The following ST7 variants were observed in gnomAD, a reference collection of about 807,000 sequenced individuals.
ST7 encodes the protein suppression of tumorigenicity 7, also known as suppressor of tumorigenicity 7 protein.
ST7 carries 28 observed loss-of-function variants against 78.7 expected under a neutral mutation model. That is an observed-to-expected ratio of 0.36 (90% CI 0.26 to 0.49). The LOEUF is 0.49. ST7 is among the 20% of genes least tolerant of loss of function. ST7 has a pLI of 0.99. For synonymous variants in ST7, 247 were observed against 249.6 expected (o/e 0.99, Z 0.10); for missense variants, 418 against 696.0 (o/e 0.60, Z 4.49).
intron 8 of ST7, 160 bp downstream of exon 8, chr7:117,136,395 G>A (rs924836862): frequency 3.4e-5 from 27 of 793,772 alleles, no homozygotes; most frequent in Admixed American, 1.1e-4. Context: ...TATAAGTGCA[G>A]TTAGTAAATA....
At chr7:116,978,019 C>T (rs942862847) in intron 1 of ST7, among the ~76,000 whole-genome samples, 7 of 152,192 alleles carry the variant, frequency 4.6e-5, no homozygotes, top group Non-Finnish European at 1.0e-4. Flanking sequence ...TCACTTCTCT[C>T]CTCAGTTCTC....
chr7:117,044,433 G>A (rs954714438), intron 1 of ST7, among the ~76,000 whole-genome samples: 2 of 152,128 alleles, frequency 1.3e-5, no homozygotes, highest in Non-Finnish European at 2.9e-5. Flanking sequence ...TGCAACCTCT[G>A]CCTCCTGGGT....
intron 8 of ST7, among the ~76,000 whole-genome samples, chr7:117,137,722 C>T (rs537836853): frequency 8.5e-5 from 13 of 152,070 alleles, no homozygotes; most frequent in Non-Finnish European, 1.3e-4. Context: ...TAATTTTTAT[C>T]GAGGATTAAG....
intron 1 of ST7, among the ~76,000 whole-genome samples, chr7:117,042,294 C>A (rs907811769): frequency 2.6e-5 from 4 of 152,138 alleles, no homozygotes; most frequent in African/African-American, 9.7e-5. Flanking sequence ...ACTGATGGAA[C>A]TACTAGGCTA....
At chr7:117,050,074 G>A (rs1239717399) in intron 1 of ST7, among the ~76,000 whole-genome samples, 3 of 151,502 alleles carry the variant, frequency 2.0e-5, no homozygotes, top group East Asian at 3.9e-4. Context: ...AAATAGCTGG[G>A]TGTGTTGGCA....
intron 1 of ST7, among the ~76,000 whole-genome samples, chr7:116,993,677 A>T (rs1562998735): frequency 6.6e-6 from 1 of 152,280 alleles, no homozygotes; most frequent in East Asian, 1.9e-4. Flanking sequence ...AATAATCTAA[A>T]GACTATTTCT....
chr7:116,982,173 C>T (rs1377153037), intron 1 of ST7, among the ~76,000 whole-genome samples: 1 of 152,154 alleles, frequency 6.6e-6, no homozygotes, highest in Non-Finnish European at 1.5e-5. Flanking sequence ...TATTCATTTA[C>T]TTCTGCTGCT....
chr7:116,972,301 C>T, intron 1 of ST7: 2 of 575,138 alleles, frequency 3.5e-6, no homozygotes, highest in South Asian at 1.7e-5. Flanking sequence ...CTCAGCAAAC[C>T]CATCACGGGC....
At chr7:117,044,991 C>T (rs1797422428) in intron 1 of ST7, among the ~76,000 whole-genome samples, 1 of 152,176 alleles carries the variant, frequency 6.6e-6, no homozygotes, top group African/African-American at 2.4e-5. Flanking sequence ...CTTCATCCTT[C>T]CAGTTATTGA....
rs1447842908 is a variant in ST7 at position 117,134,160 on chromosome 7, C to T, written c.678C>T (p.Ser226=). 1 of 1,612,008 alleles carries T rather than the reference C, an allele frequency of 6.2e-7. No individual in the cohort carries two copies. The highest frequency in any genetic ancestry group is 8.5e-7 in the Non-Finnish European group (1 of 1,178,772). ...GAGTTGAAGTTCCCCTAATTGCTTCCTCTACCATCTGGGAGATAAAATTGT... is the reference window on the plus strand; with the variant it reads ...GAGTTGAAGTTCCCCTAATTGCTTCTTCTACCATCTGGGAGATAAAATTGT... ...RSRVEVPLIA[S]STIWEIKLLP... Residue 226 remains serine, a synonymous_variant, in exon 7 of 16, where the codon TCC becomes TCT. Coordinates refer to ENST00000323984, the MANE Select transcript of ST7 (RefSeq NM_001369598.1).
At chr7:116,958,775 A>C in intron 1 of ST7, 1 of 438,180 alleles carries the variant, frequency 2.3e-6, no homozygotes, top group South Asian at 1.7e-5. Context: ...GTAGCATTAT[A>C]TCTAAAAGAC....
In ST7 at chr7:117,230,116, T is replaced by C; in HGVS notation, c.*259T>C. 1.6e-6 allele frequency: 1 copy of C among 611,086 alleles called. No individual in the cohort carries two copies. Among genetic ancestry groups the C allele is most frequent in the Non-Finnish European group, 3.0e-6 (1 of 330,438 alleles). The allele number at this position is 611,086 out of a possible 1,614,324, so 37.9% of individuals were successfully genotyped here. Reference sequence around the variant, plus strand: ...TGTATTACAGCAATCATTTGTATCCTCCTGTGTCTTCCAACCCTAAAATTG... The same window carrying C: ...TGTATTACAGCAATCATTTGTATCCCCCTGTGTCTTCCAACCCTAAAATTG... On this transcript the variant is annotated 3_prime_UTR_variant, in exon 16 of 16. Transcript: ENST00000323984.
chr7:117,224,703 C>A (rs1317161152), intron 15 of ST7, among the ~76,000 whole-genome samples: 1 of 152,120 alleles, frequency 6.6e-6, no homozygotes, highest in Non-Finnish European at 1.5e-5. Flanking sequence ...GCCGCACCAC[C>A]AGAAATCCAA....
At chr7:116,978,612 G>A (rs1793810540) in intron 1 of ST7, among the ~76,000 whole-genome samples, 1 of 152,002 alleles carries the variant, frequency 6.6e-6, no homozygotes, top group Admixed American at 6.5e-5. Context: ...TCTAGAGACA[G>A]TCTTTCTCTG....
At chr7:117,216,418 G>T (rs1008046461) in intron 13 of ST7, among the ~76,000 whole-genome samples, 12 of 152,064 alleles carry the variant, frequency 7.9e-5, no homozygotes, top group African/African-American at 2.7e-4. Context: ...TTTTCTTAAG[G>T]ATTTTTAGGT....
intron 1 of ST7, among the ~76,000 whole-genome samples, chr7:117,001,881 G>C (rs1303852418): frequency 6.6e-6 from 1 of 152,098 alleles, no homozygotes; most frequent in Non-Finnish European, 1.5e-5. Flanking sequence ...AAAAGTACAT[G>C]GGAAAGTACA....
chr7:117,022,756 C>T (rs554933029), intron 1 of ST7: 10 of 152,182 alleles, frequency 6.6e-5, no homozygotes, highest in African/African-American at 1.9e-4. Flanking sequence ...ATTCTGATTT[C>T]GTGATTCTTA....
intron 13 of ST7, among the ~76,000 whole-genome samples, chr7:117,214,910 T>TTG (rs147915016): frequency 0.052 from 7,439 of 143,112 alleles, 197 homozygotes; most frequent in Non-Finnish European, 0.067. Context: ...GGAAGAACAT[T>TTG]TGTGTGTGTG....
chr7:117,114,195 T>A (rs1189574953), intron 2 of ST7, among the ~76,000 whole-genome samples: 1 of 151,518 alleles, frequency 6.6e-6, no homozygotes, highest in African/African-American at 2.4e-5. Flanking sequence ...TGCTATTCCA[T>A]ATTCCTAAAC....
Sources: gnomAD v4.1 joint callset for allele counts (sites outside exome capture counted in the v4.1 genomes callset) on GRCh38, gnomAD v4.1.1 for gene constraint, MANE v1.5 for transcripts, NCBI Gene and HGNC (gene_info 2026-07-23, HGNC 2026-07-21) for gene names.